CHD8: variants seen among roughly 807,000 people sequenced by gnomAD.
CHD8 encodes the protein ATP-dependent chromatin remodeler CHD8.
Under a neutral mutation model 279.2 loss-of-function variants are expected in CHD8, and 31 were observed. The ratio of observed to expected loss-of-function variants is 0.11; its 90% CI spans 0.08 to 0.15. The LOEUF (loss-of-function observed/expected upper bound fraction) is 0.15. CHD8 is among the 10% of genes least tolerant of loss of function. CHD8 has a pLI of 1.00. For missense variants in CHD8, 2,146 were observed against 3,230.5 expected, an observed-to-expected ratio of 0.66 and a Z score of 8.14; for synonymous variants, 1,081 against 1,139.6, an observed-to-expected ratio of 0.95 and a Z score of 1.04.
intron 1 of CHD8, among the ~76,000 whole-genome samples, chr14:21,444,196 CA>C (rs1268053818): frequency 6.6e-6 from 1 of 152,158 alleles, no homozygotes; most frequent in Admixed American, 6.6e-5. Context: ...ATTAATGAAA[CA>C]ACTGGCACAG....
chr14:21,399,698 C>T lies in CHD8; in HGVS notation c.4825G>A (p.Asp1609Asn). The T allele has an allele frequency of 1.2e-6, 2 of 1,609,620 alleles. No homozygotes were observed. The highest frequency in any genetic ancestry group is 2.2e-5 in the East Asian group (1 of 44,844). The change falls in exon 26 of 38, where the codon GAC becomes AAC. Residue 1609 changes from aspartate to asparagine, a missense_variant. Asp to Asn is a conservative substitution (Grantham distance 23). Around this residue, in one of 26 missense-constraint regions of CHD8, gnomAD observed 33 missense variants for 34.8 expected, o/e 0.95. Transcript: ENST00000646647. Reference protein sequence around the residue: ...VLGGAIASEIDIWFPVVDQLE... With the variant: ...VLGGAIASEINIWFPVVDQLE... ...TGATCCACTACTGGGAACCATATGT[C>T]AATCTCACTAAAGGTATAAGAGGGC...
In CHD8 at chr14:21,403,647, G is replaced by T; in HGVS notation, c.3324C>A (p.Ile1108=). 1 of 1,591,196 alleles carries T rather than the reference G, an allele frequency of 6.3e-7. No homozygotes were observed. Among genetic ancestry groups the T allele is most frequent in the Non-Finnish European group, 8.6e-7 (1 of 1,167,946 alleles). The change falls in exon 17 of 38, where the codon ATC becomes ATA. Residue 1108 remains isoleucine, a synonymous_variant. Coordinates refer to ENST00000646647, the MANE Select transcript of CHD8 (RefSeq NM_001170629.2). The surrounding 1 kb of genome is among the most constrained non-coding windows in gnomAD (Gnocchi z 4.3). ...GGCAAGCTTCACGGAATTCTGTTAG[G>T]ATTTTTTCTTCAGCACCTGCCAAAA... ...PYLINGAEEK[I]LTEFREACHI...
Position 21,395,908 on chromosome 14 carries a change from G to C in CHD8, c.5052-16C>G. 1 of 1,569,450 alleles carries C rather than the reference G, an allele frequency of 6.4e-7. No individual in the cohort carries two copies. The highest frequency in any genetic ancestry group is 8.8e-7 in the Non-Finnish European group (1 of 1,140,836). On this transcript the variant is annotated splice_polypyrimidine_tract_variant and intron_variant, in intron 27 of 37. Coordinates refer to ENST00000646647, the MANE Select transcript of CHD8 (RefSeq NM_001170629.2). ...AAAGTCAACCCTAAAATTATGGAGA[G>C]GCACAAGAAAATGTTAATAATGTAT...
At chr14:21,401,932 AG>A in intron 20 of CHD8, 24 bp downstream of exon 20, 1 of 1,575,672 alleles carries the variant, frequency 6.3e-7, no homozygotes. Flanking sequence ...GTGTTTTTCT[AG>A]CCTCTGGCAT....
rs1210995033 is a variant in CHD8, at chr14:21,409,836, T to C, written c.2364+15A>G. On this transcript the variant is annotated intron_variant, in intron 11 of 37. Transcript: ENST00000646647. ...TCTTATGTAGGCCTTTATACTTTAA[T>C]GCAAATGTACTTACCACCCTTTTGA... 2 of 1,608,474 alleles carry C rather than the reference T, an allele frequency of 1.2e-6. No individual in the cohort carries two copies. The highest frequency in any genetic ancestry group is 1.1e-5 in the South Asian group (1 of 89,962).
intron 1 of CHD8, among the ~76,000 whole-genome samples, chr14:21,432,117 G>A (rs1566447126): frequency 6.6e-6 from 1 of 152,118 alleles, no homozygotes; most frequent in African/African-American, 2.4e-5. Flanking sequence ...AGAGCATTTG[G>A]CTGTCTTTCT....
chr14:21,405,048 G>T lies in CHD8; in HGVS notation c.3307+161C>A. 1 of 666,298 alleles carries T rather than the reference G, an allele frequency of 1.5e-6. No individual in the cohort carries two copies. Among genetic ancestry groups the T allele is most frequent in the Non-Finnish European group, 2.5e-6 (1 of 398,710 alleles). The allele number at this position is 666,298 out of a possible 1,614,324, so 41.3% of individuals were successfully genotyped here. On this transcript the variant is annotated intron_variant, in intron 16 of 37. Transcript: ENST00000646647. The surrounding 1 kb of genome is among the most constrained non-coding windows in gnomAD (Gnocchi z 4.2). ...GATTTCATCATGTTGCCCAGGCTTA[G>T]AGTCTCTTTTTTAAAAGGAGAACCA...
chr14:21,451,571 C>CAAAAAA (rs969355375), intron 1 of CHD8, among the ~76,000 whole-genome samples: 1 of 31,644 alleles, frequency 3.2e-5, no homozygotes, highest in African/African-American at 1.1e-4. Context: ...GACTCTGTCT[C>CAAAAAA]AAAAAAAAAA....
rs371551170 is a variant in CHD8 at position 21,426,201 on chromosome 14, G to T, written c.1643C>A (p.Thr548Asn). 1.2e-5 allele frequency: 19 copies of T among 1,611,280 alleles called. No homozygotes were observed. In the African/African-American group the frequency reaches 2.1e-4, roughly 18 times the overall value. The change falls in exon 5 of 38, where the codon ACC becomes AAC. Residue 548 changes from threonine to asparagine, a missense_variant. This residue lies in a region of CHD8 where 123 missense variants were observed against 169.2 expected (regional missense o/e 0.73). Coordinates refer to ENST00000646647, the MANE Select transcript of CHD8 (RefSeq NM_001170629.2). Reference protein sequence around the residue: ...PVVGKKRKRNTSSDNSDVEVM... With the variant: ...PVVGKKRKRNNSSDNSDVEVM... ...TTCCACATCTGAATTATCAGATGAGGTATTACGTTTTCTCTTCTTACCCAC... is the reference window on the plus strand; with the variant it reads ...TTCCACATCTGAATTATCAGATGAGTTATTACGTTTTCTCTTCTTACCCAC...
chr14:21,387,430 C>T (rs891657656), intron 37 of CHD8, among the ~76,000 whole-genome samples: 9 of 151,884 alleles, frequency 5.9e-5, no homozygotes, highest in Admixed American at 1.3e-4. Context: ...GTTGGGAGTT[C>T]GAGACCAGCC....
At chr14:21,416,064 G>C (rs1237951004) in intron 5 of CHD8, 157 bp from the exon 6 acceptor site, 1 of 661,786 alleles carries the variant, frequency 1.5e-6, no homozygotes, top group African/African-American at 1.8e-5. Flanking sequence ...CAAACAATGT[G>C]ATTATGCTAT....
chr14:21,415,682 C>T (rs367652180), intron 6 of CHD8, 40 bp from the exon 7 acceptor site: 4 of 1,611,754 alleles, frequency 2.5e-6, no homozygotes, highest in African/African-American at 1.3e-5. Context: ...ATGATTGTGA[C>T]CAGCAAGGCA....
At chr14:21,404,909 GCA>G in intron 16 of CHD8, 1 of 336,718 alleles carries the variant, frequency 3.0e-6, no homozygotes, top group Non-Finnish European at 5.5e-6. Flanking sequence ...TCGGCTCACT[GCA>G]ACCTCTGCCT....
chr14:21,439,164 TTA>T (rs2139559176), intron 1 of CHD8, among the ~76,000 whole-genome samples: 1 of 152,252 alleles, frequency 6.6e-6, no homozygotes, highest in South Asian at 2.1e-4. Flanking sequence ...CTCCTGACCA[TTA>T]GTTTCCTCTG....
chr14:21,451,193 G>A (rs1420777759), intron 1 of CHD8, among the ~76,000 whole-genome samples: 2 of 151,888 alleles, frequency 1.3e-5, no homozygotes, highest in East Asian at 3.9e-4. Context: ...AATTTGAAGA[G>A]GTTAGAATGT....
chr14:21,407,934 T>C (rs1043622273), intron 13 of CHD8, among the ~76,000 whole-genome samples: 7 of 152,114 alleles, frequency 4.6e-5, no homozygotes, highest in Non-Finnish European at 8.8e-5. Context: ...CTGATCTTGA[T>C]GAAAATTTCC....
rs771079174 is a variant in CHD8 at position 21,430,995 on chromosome 14, T to G, written c.649A>C (p.Ile217Leu). ...GCCAACACTGTATTACCAGAGACAA[T>G]GGAAACACCTGGTCGAAGGGGTGTG... Reference protein sequence around the residue: ...TGTPLRPGVSIVSGNTVLAAK... With the variant: ...TGTPLRPGVSLVSGNTVLAAK... The change falls in exon 2 of 38, where the codon ATT becomes CTT. Residue 217 changes from isoleucine to leucine, a missense_variant. Coordinates refer to ENST00000646647, the MANE Select transcript of CHD8 (RefSeq NM_001170629.2). The G allele has an allele frequency of 5.8e-5, 93 of 1,599,414 alleles. No homozygotes were observed. The highest frequency in any genetic ancestry group is 7.5e-5 in the Non-Finnish European group (89 of 1,179,800).
At chr14:21,446,053 G>A (rs532242841) in intron 1 of CHD8, among the ~76,000 whole-genome samples, 2 of 152,134 alleles carry the variant, frequency 1.3e-5, no homozygotes, top group Admixed American at 6.5e-5. Flanking sequence ...TTAGCCAGGT[G>A]CGGTGGCAGG....
chr14:21,412,248 C>T (rs1425419935), intron 10 of CHD8, among the ~76,000 whole-genome samples: 8 of 152,042 alleles, frequency 5.3e-5, no homozygotes, highest in Admixed American at 2.0e-4. Flanking sequence ...CGGGTTCAAG[C>T]GATTCTCCTG....
Sources: gnomAD v4.1 joint callset for allele counts (sites outside exome capture counted in the v4.1 genomes callset) on GRCh38, gnomAD v4.1.1 for gene constraint, gnomAD v4.1.1 regional missense constraint, Gnocchi (gnomAD v3.1) non-coding constraint, MANE v1.5 for transcripts, NCBI Gene and HGNC (gene_info 2026-07-23, HGNC 2026-07-21) for gene names.